The following NRG1 variants were observed in gnomAD, a reference collection of about 807,000 sequenced individuals.
NRG1 encodes pro-neuregulin-1, membrane-bound isoform.
Under a neutral mutation model 63.8 loss-of-function variants are expected in NRG1, and 18 were observed. The ratio of observed to expected loss-of-function variants is 0.28; its 90% CI spans 0.19 to 0.42. NRG1 has a LOEUF of 0.42. Ranked by LOEUF, NRG1 falls within the 10% of genes least tolerant of loss-of-function variation. NRG1 has a pLI of 1.00. For synonymous variants in NRG1, 302 were observed against 301.3 expected (o/e 1.00, Z -0.02); for missense variants, 762 against 814.7 (o/e 0.94, Z 0.79).
At chr8:31,693,258 C>T (rs186193968) in intron 1 of NRG1, among the ~76,000 whole-genome samples, 71 of 152,226 alleles carry the variant, frequency 4.7e-4, no homozygotes, top group African/African-American at 1.6e-3. Context: ...CCTTGATTTA[C>T]GATAAGAAAA....
chr8:31,639,680 G>T, intron 1 of NRG1: 18 of 1,402,462 alleles, frequency 1.3e-5, no homozygotes, highest in Admixed American at 3.1e-5. Context: ...GGCGGCGCGG[G>T]GGGTGGGGGG....
At chr8:31,762,648 C>T (rs1326128096) in intron 1 of NRG1, among the ~76,000 whole-genome samples, 1 of 152,082 alleles carries the variant, frequency 6.6e-6, no homozygotes, top group Admixed American at 6.6e-5. Flanking sequence ...ATTGCTCTAG[C>T]TAGGGCCTCT....
At chr8:32,456,353 T>C (rs564772097) in intron 1 of NRG1, among the ~76,000 whole-genome samples, 21 of 152,324 alleles carry the variant, frequency 1.4e-4, no homozygotes, top group African/African-American at 4.1e-4. Flanking sequence ...CAATGTGATC[T>C]TATTTTTAAA....
chr8:31,648,639 A>G (rs961524131), intron 1 of NRG1, among the ~76,000 whole-genome samples: 1 of 152,196 alleles, frequency 6.6e-6, no homozygotes, highest in Non-Finnish European at 1.5e-5. Flanking sequence ...TGCATCATTT[A>G]AGTGGAATCA....
At chr8:32,331,863 T>C (rs2008626) in intron 1 of NRG1, among the ~76,000 whole-genome samples, 14,548 of 152,158 alleles carry the variant, frequency 0.096, 968 homozygotes, top group African/African-American at 0.18. Flanking sequence ...TTTCAAAATG[T>C]TTGCATGCCA....
In NRG1 at chr8:32,245,235, A is replaced by G. The variant is rs537550481; in HGVS notation, c.38-350593A>G. On this transcript the variant is annotated intron_variant, in intron 1 of 10. Transcript: ENST00000519301. ...GGAGAAAAGAGCTAGCTGCTAGACA[A>G]CCTAGAGTTCCAACAGGAATCTGGG... 2.7e-4 allele frequency among the ~76,000 whole-genome samples: 41 copies of G among 152,204 alleles called. 1 individual carries two copies. In the South Asian group the frequency reaches 7.9e-3, roughly 29 times the overall value.
intron 1 of NRG1, among the ~76,000 whole-genome samples, chr8:31,894,491 T>G (rs1323344335): frequency 6.6e-6 from 1 of 151,994 alleles, no homozygotes; most frequent in Non-Finnish European, 1.5e-5. Flanking sequence ...GAAAATATGG[T>G]AAATTGTTTG....
chr8:32,252,913 C>T (rs1433516290), intron 1 of NRG1, among the ~76,000 whole-genome samples: 1 of 152,172 alleles, frequency 6.6e-6, no homozygotes, highest in Non-Finnish European at 1.5e-5. Flanking sequence ...TCCTTCACAT[C>T]CCTTGTAAGT....
At chr8:32,224,396 C>T (rs937932981) in intron 1 of NRG1, among the ~76,000 whole-genome samples, 1 of 152,180 alleles carries the variant, frequency 6.6e-6, no homozygotes, top group Non-Finnish European at 1.5e-5. Flanking sequence ...CTAGGAGTCT[C>T]ACTGACTACC....
intron 1 of NRG1, among the ~76,000 whole-genome samples, chr8:31,916,565 T>C (rs958710264): frequency 1.1e-4 from 16 of 152,226 alleles, no homozygotes; most frequent in Non-Finnish European, 1.3e-4. Context: ...TAGTAATCCA[T>C]GGTGTATAGG....
In NRG1 at chr8:32,693,384, A is replaced by AT. The variant is rs1170052864; in HGVS notation, c.503-34559dup. Among the ~76,000 whole-genome samples the AT allele has an allele frequency of 7.9e-5, 12 of 151,774 alleles. No individual in the cohort carries two copies. In the East Asian group the frequency reaches 2.3e-3, roughly 30 times the overall value. ...CAGGTGCCTGCCACCACACTGGCTA[A>AT]TTTTTTCTATTTTTAGTACAGATGA... is the stretch of plus-strand genomic sequence containing the variant. On this transcript the variant is annotated intron_variant, in intron 5 of 11. Transcript: ENST00000356819.
intron 1 of NRG1, 150 bp downstream of exon 1, chr8:32,548,976 T>C (rs1259381024): frequency 3.5e-6 from 4 of 1,143,480 alleles, no homozygotes; most frequent in East Asian, 2.8e-5. Context: ...CGCGCGGTGC[T>C]TCCCCTCCTG....
chr8:31,695,327 G>A (rs1275542354), intron 1 of NRG1, among the ~76,000 whole-genome samples: 2 of 152,114 alleles, frequency 1.3e-5, no homozygotes, highest in Non-Finnish European at 2.9e-5. Flanking sequence ...GCACCACCAC[G>A]CTAGGCTACT....
rs553508766 is a variant in NRG1 at position 32,504,231 on chromosome 8, G to A, written c.38-91597G>A. Among the ~76,000 whole-genome samples, 50 of 152,198 alleles carry A rather than the reference G, an allele frequency of 3.3e-4. No homozygotes were observed. In the South Asian group the frequency reaches 7.1e-3, roughly 21 times the overall value. ...CTGCAACCAATTATTATTTTAGAGAGACAGTTAAGGACTGCCTGTCCATCA... is the reference window on the plus strand; with the variant it reads ...CTGCAACCAATTATTATTTTAGAGAAACAGTTAAGGACTGCCTGTCCATCA... On this transcript the variant is annotated intron_variant, in intron 1 of 10. Transcript: ENST00000519301.
chr8:32,456,447 C>A (rs1471513667), intron 1 of NRG1, among the ~76,000 whole-genome samples: 2 of 152,178 alleles, frequency 1.3e-5, no homozygotes, highest in East Asian at 3.9e-4. Flanking sequence ...GATTTTCTCC[C>A]ACCTCTGCCA....
chr8:32,543,985 A>G (rs966919947), upstream of NRG1, among the ~76,000 whole-genome samples: 4 of 152,168 alleles, frequency 2.6e-5, no homozygotes, highest in African/African-American at 9.7e-5. Context: ...GTGAATTATT[A>G]AGCCTCCTTT....
intron 1 of NRG1, among the ~76,000 whole-genome samples, chr8:31,818,425 C>A (rs575216227): frequency 6.6e-5 from 10 of 152,228 alleles, no homozygotes; most frequent in Admixed American, 5.2e-4. Context: ...AGTCCCCAAC[C>A]TTTTTGGCAC....
chr8:32,119,811 C>T (rs1003218220), intron 1 of NRG1, among the ~76,000 whole-genome samples: 1 of 151,934 alleles, frequency 6.6e-6, no homozygotes, highest in Admixed American at 6.6e-5. Flanking sequence ...AATCTGTTTT[C>T]CCACCTAGCA....
intron 1 of NRG1, among the ~76,000 whole-genome samples, chr8:32,058,973 G>A (rs1227608897): frequency 6.6e-6 from 1 of 151,872 alleles, no homozygotes; most frequent in African/African-American, 2.4e-5. Flanking sequence ...TTGCCCAAAG[G>A]TTAACTTTAA....
Sources: allele counts gnomAD v4.1 joint callset (sites outside exome capture counted in the v4.1 genomes callset), GRCh38; gene constraint gnomAD v4.1.1; transcripts MANE v1.5; gene names NCBI Gene and HGNC (gene_info 2026-07-23, HGNC 2026-07-21).